The following DCLK3 variants were observed in gnomAD, a reference collection of about 807,000 sequenced individuals.
The protein encoded by DCLK3 is serine/threonine-protein kinase DCLK3.
A neutral mutation model predicts 46.4 loss-of-function variants in DCLK3; 30 were observed. The ratio of observed to expected loss-of-function variants is 0.65; its 90% confidence interval spans 0.48 to 0.88. The LOEUF is 0.88. Among genes scored for constraint, DCLK3 ranks in the 40% least tolerant of loss-of-function variants. The pLI is 0.00. For synonymous variants in DCLK3, 401 were observed against 339.2 expected (o/e 1.18, Z -2.00); for missense variants, 846 against 907.1 (o/e 0.93, Z 0.87).
chr3:36,718,620 T>C (rs1701017002), intron 3 of DCLK3, among the ~76,000 whole-genome samples: 1 of 152,226 alleles, frequency 6.6e-6, no homozygotes, highest in African/African-American at 2.4e-5. Context: ...AGCAGGACCG[T>C]GAGTCCACAC....
chr3:36,761,117 C>A (rs1162161581), intron 1 of DCLK3, among the ~76,000 whole-genome samples: 2 of 152,226 alleles, frequency 1.3e-5, no homozygotes, highest in Non-Finnish European at 2.9e-5. Flanking sequence ...TCCCTTCATG[C>A]AGCCACTGAT....
intron 1 of DCLK3, among the ~76,000 whole-genome samples, chr3:36,763,668 C>G (rs1315670667): frequency 6.6e-6 from 1 of 152,258 alleles, no homozygotes; most frequent in Non-Finnish European, 1.5e-5. Flanking sequence ...CCGTGTGACC[C>G]TGGGCAAGGC....
intron 1 of DCLK3, among the ~76,000 whole-genome samples, chr3:36,759,665 T>C (rs1439708219): frequency 6.6e-6 from 1 of 152,208 alleles, no homozygotes; most frequent in African/African-American, 2.4e-5. Context: ...TTCAGTGACC[T>C]GAACACACCA....
chr3:36,749,854 T>G (rs993653292), intron 1 of DCLK3, among the ~76,000 whole-genome samples: 1 of 152,210 alleles, frequency 6.6e-6, no homozygotes, highest in Non-Finnish European at 1.5e-5. Flanking sequence ...TTAAAATATA[T>G]AGCCTTCATT....
At chr3:36,721,776 T>TGCCCA (rs1701064725) in intron 2 of DCLK3, 117 bp from the exon 3 acceptor site, 1 of 1,250,758 alleles carries the variant, frequency 8.0e-7, no homozygotes, top group African/African-American at 1.5e-5. Flanking sequence ...TATATGAGAT[T>TGCCCA]ACAGCTTAGC....
At chr3:36,756,614 A>C (rs1701486669) in intron 1 of DCLK3, among the ~76,000 whole-genome samples, 1 of 152,118 alleles carries the variant, frequency 6.6e-6, no homozygotes, top group African/African-American at 2.4e-5. Context: ...AAAATGAATA[A>C]CCAGCCTTGT....
At chr3:36,735,973 T>C (rs1423593174) in intron 2 of DCLK3, among the ~76,000 whole-genome samples, 1 of 152,212 alleles carries the variant, frequency 6.6e-6, no homozygotes, top group African/African-American at 2.4e-5. Flanking sequence ...AAGGCAAATA[T>C]AGACTCTATC....
intron 3 of DCLK3, 131 bp downstream of exon 3, chr3:36,721,396 T>A: frequency 7.9e-7 from 1 of 1,273,788 alleles, no homozygotes. Flanking sequence ...AATATTTTCA[T>A]TGAAGTCCAA....
In DCLK3 at chr3:36,737,807, C is replaced by T; in HGVS notation, c.1360G>A (p.Glu454Lys). 2 of 1,614,122 alleles carry T rather than the reference C, an allele frequency of 1.2e-6. No homozygotes were observed. Among genetic ancestry groups the T allele is most frequent in the Non-Finnish European group, 1.7e-6 (2 of 1,180,034 alleles). The change falls in exon 2 of 5, where the codon GAG (glutamate) becomes AAG (lysine). Residue 454 changes from glutamate to lysine, a missense_variant. By Grantham distance (56) the Glu-to-Lys change is moderately conservative. Transcript: ENST00000636136. The surrounding 1 kb of genome is among the most constrained non-coding windows in gnomAD (Gnocchi z 4.4). The stretch of plus-strand genomic sequence containing the variant: ...TCTCCTCGGGTCCTGCGGAGCTTCT[C>T]AAAGCCCGCCTGGTGCTCTCTCAGG... ...WLLREHQAGFEKLRRTRGEEK... is the reference protein window; with the variant it reads ...WLLREHQAGFKKLRRTRGEEK...
rs71085143 is a variant in DCLK3 at position 36,729,248 on chromosome 3, T to TGGG, written c.1960-7592_1960-7590dup. On this transcript the variant is annotated intron_variant, in intron 2 of 4. Coordinates refer to ENST00000636136, the MANE Select transcript of DCLK3 (RefSeq NM_001394672.2). ...GGTTTTCCCGGGTTGTGTGTGTGTG[T>TGGG]GGGGGGGGGGGGTACAAAAGCCCCC... Among the ~76,000 whole-genome samples, 187 of 92,602 alleles carry TGGG rather than the reference T, an allele frequency of 2.0e-3. 2 individuals carry two copies. Among genetic ancestry groups the TGGG allele is most frequent in the African/African-American group, 6.3e-3 (153 of 24,382 alleles). The allele number at this position is 92,602 out of a possible 152,430, so 60.8% of individuals were successfully genotyped here.
intron 1 of DCLK3, among the ~76,000 whole-genome samples, chr3:36,761,577 G>A (rs1241239769): frequency 6.6e-6 from 1 of 152,204 alleles, no homozygotes; most frequent in African/African-American, 2.4e-5. Flanking sequence ...TCCACCAGCA[G>A]ACGGGCAAAA....
At chr3:36,759,783 C>T (rs1701522137) in intron 1 of DCLK3, among the ~76,000 whole-genome samples, 1 of 152,196 alleles carries the variant, frequency 6.6e-6, no homozygotes, top group Non-Finnish European at 1.5e-5. Flanking sequence ...AGTGATTTAT[C>T]CATCAAAACC....
intron 3 of DCLK3, among the ~76,000 whole-genome samples, chr3:36,718,382 T>C (rs1701013028): frequency 6.6e-6 from 1 of 152,244 alleles, no homozygotes; most frequent in East Asian, 1.9e-4. Flanking sequence ...CAAAGTGTGG[T>C]CCATGGATCA....
chr3:36,757,892 C>T (rs62245206), intron 1 of DCLK3, among the ~76,000 whole-genome samples: 49,460 of 151,852 alleles, frequency 0.33, 9,147 homozygotes, highest in Non-Finnish European at 0.42. Flanking sequence ...CCTGTGGATT[C>T]CAGCTCCTGC....
At chr3:36,747,289 AT>A in intron 1 of DCLK3, among the ~76,000 whole-genome samples, 1 of 152,298 alleles carries the variant, frequency 6.6e-6, no homozygotes, top group East Asian at 1.9e-4. Context: ...TTTCTTTCAT[AT>A]GCATATAAGG....
At chr3:36,748,066 T>C (rs551153526) in intron 1 of DCLK3, among the ~76,000 whole-genome samples, 8 of 152,208 alleles carry the variant, frequency 5.3e-5, no homozygotes, top group Non-Finnish European at 1.2e-4. Context: ...CCTTAAAGTA[T>C]GGCAGCATGA....
rs1168073115 is a variant in DCLK3, at chr3:36,712,782, C to T, written c.*2546G>A. The T allele has an allele frequency of 6.6e-6, 1 of 152,128 alleles. No individual in the cohort carries two copies. The highest frequency in any genetic ancestry group is 6.5e-5 in the Admixed American group (1 of 15,274). The allele number at this position is 152,128 out of a possible 1,614,324, so 9.4% of individuals were successfully genotyped here. ...TTGTTCGTGTATGAATAGTTCATCC[C>T]TTTTTTGTGGCTGTTATTCATTGTG... On this transcript the variant is annotated 3_prime_UTR_variant, in exon 5 of 5. Coordinates refer to ENST00000636136, the MANE Select transcript of DCLK3 (RefSeq NM_001394672.2).
intron 1 of DCLK3, among the ~76,000 whole-genome samples, chr3:36,753,715 A>G (rs1701463003): frequency 6.6e-6 from 1 of 152,078 alleles, no homozygotes; most frequent in African/African-American, 2.4e-5. Flanking sequence ...TTCTGCCTAG[A>G]CTGGAGTACA....
chr3:36,715,146 A>C lies in DCLK3; in HGVS notation c.*182T>G. On this transcript the variant is annotated 3_prime_UTR_variant, in exon 5 of 5. Transcript: ENST00000636136. ...AGGCTTTAAATATACAAATCTAAAA[A>C]TATGTTGTGACATTTAACATTGACT... is the stretch of plus-strand genomic sequence containing the variant. 4.3e-6 allele frequency: 3 copies of C among 697,166 alleles called. No homozygotes were observed. Among genetic ancestry groups the C allele is most frequent in the Non-Finnish European group, 6.8e-6 (3 of 440,620 alleles). 43.2% of individuals were successfully genotyped at this position (697,166 alleles called of 1,614,324 possible).
Sources: allele counts gnomAD v4.1 joint callset (sites outside exome capture counted in the v4.1 genomes callset), GRCh38; gene constraint gnomAD v4.1.1; non-coding constraint Gnocchi (gnomAD v3.1); transcripts MANE v1.5; gene names NCBI Gene and HGNC (gene_info 2026-07-23, HGNC 2026-07-21).